Variants in INPP5D observed in about 807,000 individuals in gnomAD.
The protein encoded by INPP5D is inositol polyphosphate-5-phosphatase D, also known as phosphatidylinositol 3,4,5-trisphosphate 5-phosphatase 1.
A neutral mutation model predicts 122.9 loss-of-function variants in INPP5D; 33 were observed. That is an observed-to-expected ratio of 0.27 (90% CI 0.20 to 0.36). The LOEUF is 0.36. Ranked by LOEUF, INPP5D falls within the 10% of genes least tolerant of loss-of-function variation. The pLI, the probability that INPP5D is intolerant of heterozygous loss-of-function variation, is 1.00. For synonymous variants in INPP5D, 584 were observed against 576.2 expected (o/e 1.01, Z -0.19); for missense variants, 1,053 against 1,412.7 (o/e 0.75, Z 4.08).
At chr2:233,184,261 T>C in intron 19 of INPP5D, 147 bp from the exon 20 acceptor site, 7 of 1,195,680 alleles carry the variant, frequency 5.9e-6, no homozygotes, top group Non-Finnish European at 8.0e-6. Context: ...GGTGCTGGAT[T>C]TCGCTGTAGC....
chr2:233,202,852 G>A (rs542875725), intron 25 of INPP5D, among the ~76,000 whole-genome samples: 104 of 152,282 alleles, frequency 6.8e-4, no homozygotes, highest in African/African-American at 2.3e-3. Flanking sequence ...CCTACTTTGG[G>A]TCACAACACA....
chr2:233,179,566 G>A (rs1048562907), intron 18 of INPP5D, among the ~76,000 whole-genome samples: 4 of 152,200 alleles, frequency 2.6e-5, no homozygotes, highest in South Asian at 4.1e-4. Flanking sequence ...CCCCACCTCC[G>A]GGCCCGGAAT....
At chr2:233,149,287 GA>G (rs1389006698) in intron 9 of INPP5D, among the ~76,000 whole-genome samples, 3 of 152,162 alleles carry the variant, frequency 2.0e-5, no homozygotes, top group African/African-American at 7.2e-5. Flanking sequence ...TTTTAGTAAA[GA>G]CAGGGTTTCA....
intron 2 of INPP5D, among the ~76,000 whole-genome samples, chr2:233,082,000 G>A (rs544900356): frequency 6.6e-6 from 1 of 152,134 alleles, no homozygotes; most frequent in Non-Finnish European, 1.5e-5. Context: ...TGGGGGCAGC[G>A]TGCCTCCTTA....
chr2:233,094,521 A>C lies in INPP5D; in HGVS notation c.198+15123A>C, dbSNP rs1295956365. Among the ~76,000 whole-genome samples, 44 of 149,054 alleles carry C rather than the reference A, an allele frequency of 3.0e-4. 1 individual carries two copies. Among genetic ancestry groups the C allele is most frequent in the Admixed American group, 1.3e-3 (19 of 14,886 alleles). On this transcript the variant is annotated intron_variant, in intron 2 of 26. Coordinates refer to ENST00000445964, the MANE Select transcript of INPP5D (RefSeq NM_001017915.3). ...GAGCAAGACTCCATCCCAAAAAAAA[A>C]AAAAAAAAAAAAAAAAAAAAATTCT...
intron 2 of INPP5D, among the ~76,000 whole-genome samples, chr2:233,116,078 C>G (rs1692779872): frequency 6.6e-6 from 1 of 152,038 alleles, no homozygotes; most frequent in Non-Finnish European, 1.5e-5. Flanking sequence ...ACAATCTGAA[C>G]TAACTCCTAC....
Position 233,185,896 on chromosome 2 carries a change from G to A in INPP5D, c.2329G>A (p.Val777Met). ...ENEEGSEGELVVKFGETLPKL... is the reference protein window; with the variant it reads ...ENEEGSEGELMVKFGETLPKL... ...TGAAGAAGGAAGTGAGGGGGAGCTG[G>A]TGGTGAAGTTTGGTGAGACTCTTCC... Residue 777 changes from valine (V) to methionine (M), a missense_variant, in exon 21 of 27, where the codon GTG (valine) becomes ATG (methionine). Around this residue, in one of 6 missense-constraint regions of INPP5D, gnomAD observed 258 missense variants for 439.1 expected, o/e 0.59. Transcript: ENST00000445964. 6.2e-7 allele frequency: 1 copy of A among 1,608,854 alleles called. No homozygotes were observed. The highest frequency in any genetic ancestry group is 2.2e-5 in the East Asian group (1 of 44,688).
Position 233,170,979 on chromosome 2 carries a change from T to G in INPP5D, c.1901-85T>G. Reference sequence around the variant, plus strand: ...AGCCATCCTTTCGTCCCCTTTCCCCTGATTTCCTACCAGAAGAATAGGGAA... The same window carrying G: ...AGCCATCCTTTCGTCCCCTTTCCCCGGATTTCCTACCAGAAGAATAGGGAA... On this transcript the variant is annotated intron_variant, in intron 16 of 26. Transcript: ENST00000445964. This position sits in a 1 kb window ranked among gnomAD's most constrained non-coding sequence, Gnocchi z 4.5. 3.9e-6 allele frequency: 6 copies of G among 1,551,116 alleles called. No individual in the cohort carries two copies. Among genetic ancestry groups the G allele is most frequent in the Non-Finnish European group, 1.7e-6 (2 of 1,144,302 alleles).
chr2:233,136,800 A>C (rs1285205223), intron 5 of INPP5D, among the ~76,000 whole-genome samples: 1 of 152,252 alleles, frequency 6.6e-6, no homozygotes, highest in Non-Finnish European at 1.5e-5. Context: ...ACAGAGATAC[A>C]TCAGGAAAAA....
chr2:233,199,577 C>G (rs1695278347), intron 25 of INPP5D, among the ~76,000 whole-genome samples: 1 of 151,376 alleles, frequency 6.6e-6, no homozygotes, highest in South Asian at 2.1e-4. Flanking sequence ...CGCCTGTAAT[C>G]CCAACACTTT....
intron 1 of INPP5D, among the ~76,000 whole-genome samples, chr2:233,070,242 T>A (rs1450203655): frequency 6.6e-6 from 1 of 152,122 alleles, no homozygotes; most frequent in Non-Finnish European, 1.5e-5. Flanking sequence ...TTCCTTTAAG[T>A]TTTATGATTT....
At chr2:233,155,447 A>G (rs935075758) in intron 9 of INPP5D, among the ~76,000 whole-genome samples, 1 of 151,718 alleles carries the variant, frequency 6.6e-6, no homozygotes, top group Admixed American at 6.6e-5. Flanking sequence ...ACATGGTAAA[A>G]CCCCACCTCT....
rs1020274188 is a variant in INPP5D, at chr2:233,160,790, A to G, written c.1138-934A>G. Among the ~76,000 whole-genome samples the G allele has an allele frequency of 1.3e-5, 2 of 152,020 alleles. No individual in the cohort carries two copies. The highest frequency in any genetic ancestry group is 4.8e-5 in the African/African-American group (2 of 41,458). The stretch of plus-strand genomic sequence containing the variant: ...GGAGGGACTACAGGCATGCACCACC[A>G]TGCCTGGCTAATTTTTTTATTTTTT... On this transcript the variant is annotated intron_variant, in intron 10 of 26. Transcript: ENST00000445964. This position sits in a 1 kb window ranked among gnomAD's most constrained non-coding sequence, Gnocchi z 4.2.
At chr2:233,075,386 C>T (rs532946713) in intron 1 of INPP5D, among the ~76,000 whole-genome samples, 62 of 152,090 alleles carry the variant, frequency 4.1e-4, no homozygotes, top group Non-Finnish European at 8.2e-4. Flanking sequence ...AAGGGCTGGG[C>T]GGGACCCACT....
rs1046446840 is a variant in INPP5D, at chr2:233,183,535, C to T, written c.2162-873C>T. Among the ~76,000 whole-genome samples the T allele has an allele frequency of 6.6e-6, 1 of 152,192 alleles. No individual in the cohort carries two copies. The highest frequency in any genetic ancestry group is 1.5e-5 in the Non-Finnish European group (1 of 68,022). Reference sequence around the variant, plus strand: ...TAGGCAGGACCTCTTCCCCGACTTCCACCCATCTCTCCTTTCTCTGAGCTC... The same window carrying T: ...TAGGCAGGACCTCTTCCCCGACTTCTACCCATCTCTCCTTTCTCTGAGCTC... On this transcript the variant is annotated intron_variant, in intron 19 of 26. Coordinates refer to ENST00000445964, the MANE Select transcript of INPP5D (RefSeq NM_001017915.3). The surrounding 1 kb of genome is among the most constrained non-coding windows in gnomAD (Gnocchi z 4.6).
At chr2:233,182,661 A>AT (rs1218453626) in intron 19 of INPP5D, among the ~76,000 whole-genome samples, 162 bp downstream of exon 19, 1 of 152,074 alleles carries the variant, frequency 6.6e-6, no homozygotes, top group Non-Finnish European at 1.5e-5. Flanking sequence ...CCACAGCACA[A>AT]TTGCAGTCCA....
At chr2:233,065,468 G>A (rs376724939) in intron 1 of INPP5D, among the ~76,000 whole-genome samples, 3 of 36,926 alleles carry the variant, frequency 8.1e-5, no homozygotes, top group Non-Finnish European at 1.5e-4. Context: ...CCACCACACC[G>A]GGCTAATTTT....
intron 2 of INPP5D, among the ~76,000 whole-genome samples, chr2:233,098,810 G>C (rs893606439): frequency 6.6e-6 from 1 of 152,180 alleles, no homozygotes; most frequent in Non-Finnish European, 1.5e-5. Context: ...CACGAGTGCA[G>C]TCTCACAGAC....
chr2:233,143,552 A>G (rs896304789), intron 6 of INPP5D, among the ~76,000 whole-genome samples: 4 of 152,370 alleles, frequency 2.6e-5, no homozygotes, highest in African/African-American at 9.6e-5. Flanking sequence ...ACAGGCAGCC[A>G]TTCTGTTGTT....
Sources: allele counts gnomAD v4.1 joint callset (sites outside exome capture counted in the v4.1 genomes callset), GRCh38; gene constraint gnomAD v4.1.1; regional missense constraint gnomAD v4.1.1; non-coding constraint Gnocchi (gnomAD v3.1); transcripts MANE v1.5; gene names NCBI Gene and HGNC (gene_info 2026-07-23, HGNC 2026-07-21).